Variants in RBFOX3 observed in about 807,000 individuals in gnomAD.
The protein encoded by RBFOX3 is RNA binding fox-1 homolog 3, also known as RNA binding protein fox-1 homolog 3.
In RBFOX3, 17 loss-of-function variants were observed where a neutral mutation model predicts 48.7. That is an observed-to-expected ratio of 0.35 (90% CI 0.24 to 0.52). The LOEUF is 0.52. RBFOX3 is among the 20% of genes least tolerant of loss of function. RBFOX3 has a pLI of 0.94. For synonymous variants in RBFOX3, 212 were observed against 209.5 expected (o/e 1.01, Z -0.10); for missense variants, 382 against 497.5 (o/e 0.77, Z 2.21).
chr17:79,112,855 C>G (rs1215697766), intron 5 of RBFOX3, among the ~76,000 whole-genome samples: 1 of 124,168 alleles, frequency 8.1e-6, no homozygotes, highest in African/African-American at 3.1e-5. Flanking sequence ...CAGGGAGCGT[C>G]CAGGGGGTTG....
chr17:79,480,522 C>G lies in RBFOX3; in HGVS notation c.-175+1932G>C, dbSNP rs1179674133. ...TAAGACAAAATCCAAAGTCCTCAGT[C>G]CCAACCTAAAGGCCTCTGCATCCAG... On this transcript the variant is annotated intron_variant, in intron 2 of 14. Coordinates refer to ENST00000693108, the MANE Select transcript of RBFOX3 (RefSeq NM_001350451.2). The surrounding 1 kb of genome is among the most constrained non-coding windows in gnomAD (Gnocchi z 4.8). Among the ~76,000 whole-genome samples the G allele has an allele frequency of 6.6e-6, 1 of 152,170 alleles. No individual in the cohort carries two copies. The highest frequency in any genetic ancestry group is 1.5e-5 in the Non-Finnish European group (1 of 68,026).
chr17:79,113,315 G>A (rs2032729802), intron 5 of RBFOX3, among the ~76,000 whole-genome samples: 2 of 152,138 alleles, frequency 1.3e-5, no homozygotes, highest in Admixed American at 6.5e-5. Context: ...CTCCAAGGTT[G>A]GGGAGCGCAT....
At chr17:79,250,068 C>T (rs1005709567) in intron 3 of RBFOX3, among the ~76,000 whole-genome samples, 9 of 152,174 alleles carry the variant, frequency 5.9e-5, no homozygotes, top group Non-Finnish European at 1.2e-4. Flanking sequence ...GCTGGCTCAA[C>T]CGGATTCAGA....
At chr17:79,612,757 C>G (rs2093978418), upstream of RBFOX3, among the ~76,000 whole-genome samples, 1 of 152,192 alleles carries the variant, frequency 6.6e-6, no homozygotes, top group African/African-American at 2.4e-5. Flanking sequence ...CTAATTGGGC[C>G]TCTTGGTTCT....
At chr17:79,659,542 T>G in the RBFOX3 span, among the ~76,000 whole-genome samples, 6 of 152,020 alleles carry the variant, frequency 3.9e-5, no homozygotes, top group South Asian at 1.2e-3. Flanking sequence ...AAGGGAGGGC[T>G]GTGCATAGGC....
chr17:79,219,651 G>A (rs1296981936), intron 4 of RBFOX3, among the ~76,000 whole-genome samples: 5 of 152,094 alleles, frequency 3.3e-5, no homozygotes, highest in Admixed American at 2.0e-4. Flanking sequence ...CAGAGTGGGG[G>A]CGCCTACTCT....
chr17:79,236,932 T>C (rs1252443621), intron 3 of RBFOX3, among the ~76,000 whole-genome samples: 2 of 152,256 alleles, frequency 1.3e-5, no homozygotes, highest in Non-Finnish European at 2.9e-5. Flanking sequence ...ATTTTCTGTG[T>C]ACATGACTTG....
chr17:79,446,701 G>A (rs1479004076), intron 2 of RBFOX3, among the ~76,000 whole-genome samples: 1 of 152,208 alleles, frequency 6.6e-6, no homozygotes, highest in Non-Finnish European at 1.5e-5. Flanking sequence ...AATTAAAAGT[G>A]GGTATAAATC....
chr17:79,092,359 T>C (rs770702742), intron 14 of RBFOX3: 2 of 985,570 alleles, frequency 2.0e-6, no homozygotes, highest in Non-Finnish European at 2.4e-6. Flanking sequence ...GAAATCACGG[T>C]TGCAGACATA....
At position 79,303,783 on chromosome 17, in the gene RBFOX3, G is replaced by T. The variant is rs745961937; in HGVS notation, c.-74+3941C>A. Reference sequence around the variant, plus strand: ...GCTTCCACACACTAGGTGCACGTACGTGTGTGTATGTACCTGCGTGTGCGG... The same window carrying T: ...GCTTCCACACACTAGGTGCACGTACTTGTGTGTATGTACCTGCGTGTGCGG... On this transcript the variant is annotated intron_variant, in intron 3 of 14. Transcript: ENST00000693108. Among the ~76,000 whole-genome samples, 81 of 152,234 alleles carry T rather than the reference G, an allele frequency of 5.3e-4. 1 individual carries two copies. The highest frequency in any genetic ancestry group is 5.9e-4 in the Admixed American group (9 of 15,292).
chr17:79,243,640 G>A lies in RBFOX3; in HGVS notation c.-73-7835C>T, dbSNP rs534269946. Reference sequence around the variant, plus strand: ...TGGCTTTGCATGAGCGGAACTTAGCGCACACCTGTGGACTGAACTGAACTC... The same window carrying A: ...TGGCTTTGCATGAGCGGAACTTAGCACACACCTGTGGACTGAACTGAACTC... On this transcript the variant is annotated intron_variant, in intron 3 of 14. Coordinates refer to ENST00000693108, the MANE Select transcript of RBFOX3 (RefSeq NM_001350451.2). This position sits in a 1 kb window ranked among gnomAD's most constrained non-coding sequence, Gnocchi z 7.9. Among the ~76,000 whole-genome samples the A allele has an allele frequency of 5.9e-5, 9 of 152,164 alleles. No homozygotes were observed. The South Asian group carries it at 1.0e-3, about 18-fold the overall frequency.
At chr17:79,383,564 C>G (rs55711950) in intron 2 of RBFOX3, among the ~76,000 whole-genome samples, 2 of 152,058 alleles carry the variant, frequency 1.3e-5, no homozygotes, top group Non-Finnish European at 2.9e-5. Flanking sequence ...GAGTACCCCC[C>G]CGATGGCTGC....
At chr17:79,367,218 C>CTCTCCCTCCTCCCCTCCCCT (rs562175765) in intron 2 of RBFOX3, among the ~76,000 whole-genome samples, 1 of 151,044 alleles carries the variant, frequency 6.6e-6, no homozygotes, top group African/African-American at 2.4e-5. Context: ...AGTCCTCCTC[C>CTCTCCCTCCTCCCCTCCCCT]TCTCCCTCCT....
intron 2 of RBFOX3, among the ~76,000 whole-genome samples, chr17:79,377,032 C>T (rs574054406): frequency 2.0e-5 from 3 of 152,230 alleles, no homozygotes; most frequent in Admixed American, 1.3e-4. Flanking sequence ...GGGGGTGTTC[C>T]GTGTTGTTCT....
In RBFOX3 at chr17:79,420,871, G is replaced by C. The variant is rs2066232306; in HGVS notation, c.-175+61583C>G. On this transcript the variant is annotated intron_variant, in intron 2 of 14. Coordinates refer to ENST00000693108, the MANE Select transcript of RBFOX3 (RefSeq NM_001350451.2). ...GCCAGGAAGTAACAATGTGATGTGG[G>C]GGCTGGTCTGGGGTCTCACGGGATC... Among the ~76,000 whole-genome samples, 3 of 152,202 alleles carry C rather than the reference G, an allele frequency of 2.0e-5. 1 individual carries two copies. The South Asian group carries it at 6.2e-4, about 32-fold the overall frequency.
intron 4 of RBFOX3, among the ~76,000 whole-genome samples, chr17:79,143,378 GGT>G (rs869080679): frequency 0.11 from 7,114 of 64,808 alleles, 617 homozygotes; most frequent in Non-Finnish European, 0.15. Context: ...TGGAGCGGGG[GGT>G]GGGGGGGGGT....
At chr17:79,366,574 G>A (rs1047065433) in intron 2 of RBFOX3, among the ~76,000 whole-genome samples, 1 of 152,158 alleles carries the variant, frequency 6.6e-6, no homozygotes, top group Non-Finnish European at 1.5e-5. Context: ...GCTGTCTGCC[G>A]GCGAGAGAGC....
chr17:79,411,569 T>C (rs1319381624), intron 2 of RBFOX3, among the ~76,000 whole-genome samples: 1 of 152,038 alleles, frequency 6.6e-6, no homozygotes, highest in Non-Finnish European at 1.5e-5. Context: ...TTCCATGCCC[T>C]CCCTCTGTGC....
At chr17:79,110,564 C>T (rs1439913818) in intron 5 of RBFOX3, among the ~76,000 whole-genome samples, 1 of 152,230 alleles carries the variant, frequency 6.6e-6, no homozygotes, top group South Asian at 2.1e-4. Context: ...CGTCTCCCTT[C>T]GTTCCTCCAA....
Sources: gnomAD v4.1 joint callset for allele counts (sites outside exome capture counted in the v4.1 genomes callset) on GRCh38, gnomAD v4.1.1 for gene constraint, Gnocchi (gnomAD v3.1) non-coding constraint, MANE v1.5 for transcripts, NCBI Gene and HGNC (gene_info 2026-07-23, HGNC 2026-07-21) for gene names.